The following STXBP5L variants were observed in gnomAD, a reference collection of about 807,000 sequenced individuals.
STXBP5L encodes syntaxin-binding protein 5-like.
In STXBP5L, 65 loss-of-function variants were observed where a neutral mutation model predicts 144.5. The ratio of observed to expected loss-of-function variants is 0.45; its 90% CI spans 0.37 to 0.55. The LOEUF (loss-of-function observed/expected upper bound fraction) is 0.55. Ranked by LOEUF, STXBP5L falls within the 20% of genes least tolerant of loss-of-function variation. The pLI is 0.00. For synonymous variants in STXBP5L, 505 were observed against 469.6 expected, an observed-to-expected ratio of 1.08 and a Z score of -0.97; for missense variants, 1,298 against 1,405.5, an observed-to-expected ratio of 0.92 and a Z score of 1.22.
chr3:121,165,094 CAT>C (rs1326402648), intron 9 of STXBP5L, among the ~76,000 whole-genome samples: 2 of 152,158 alleles, frequency 1.3e-5, no homozygotes, highest in East Asian at 3.8e-4. Flanking sequence ...ACTATAGTAA[CAT>C]GTTTACCATC....
chr3:121,050,468 C>T (rs1229239528), intron 5 of STXBP5L, among the ~76,000 whole-genome samples: 2 of 152,136 alleles, frequency 1.3e-5, no homozygotes, highest in African/African-American at 2.4e-5. Context: ...CCCAGAATTT[C>T]ATATCCAGCC....
chr3:121,132,591 G>A (rs1449971513), intron 7 of STXBP5L, among the ~76,000 whole-genome samples: 1 of 152,128 alleles, frequency 6.6e-6, no homozygotes. Flanking sequence ...AGTGCAGAAA[G>A]CAACATAGAG....
chr3:121,381,256 A>G (rs2046314977), intron 21 of STXBP5L, 37 bp from the exon 22 acceptor site: 1 of 1,500,938 alleles, frequency 6.7e-7, no homozygotes, highest in South Asian at 1.3e-5. Flanking sequence ...GAAATATACT[A>G]ACAATTTGTG....
chr3:121,391,014 G>A (rs1428560177), intron 22 of STXBP5L, among the ~76,000 whole-genome samples: 6 of 152,000 alleles, frequency 3.9e-5, no homozygotes, highest in South Asian at 4.2e-4. Context: ...TCACTTTCAG[G>A]TACACCAATC....
At chr3:121,214,791 A>G (rs7636777) in intron 10 of STXBP5L, among the ~76,000 whole-genome samples, 15,086 of 152,062 alleles carry the variant, frequency 0.099, 1,176 homozygotes, top group Admixed American at 0.2. Context: ...CCTGTCTAAT[A>G]TTGACAGTGG....
In STXBP5L at chr3:121,367,317, G is replaced by A. The variant is rs1199726752; in HGVS notation, c.2177-11399G>A. On this transcript the variant is annotated intron_variant, in intron 20 of 26. Coordinates refer to ENST00000471454, the MANE Select transcript of STXBP5L (RefSeq NM_001308330.2). ...TCCTTTGCACATTTCTTACAGGGCG[G>A]ATCTGGTGGTAACAATCTCCCTTAG... is the stretch of plus-strand genomic sequence containing the variant. 2.6e-5 allele frequency among the ~76,000 whole-genome samples: 4 copies of A among 152,154 alleles called. No individual in the cohort carries two copies. The South Asian group carries it at 6.2e-4, about 24-fold the overall frequency.
At chr3:121,003,289 C>T (rs1943951261) in intron 3 of STXBP5L, among the ~76,000 whole-genome samples, 2 of 150,948 alleles carry the variant, frequency 1.3e-5, no homozygotes, top group South Asian at 4.2e-4. Context: ...TTTTGATTTA[C>T]ATTTCTCTGA....
intron 16 of STXBP5L, among the ~76,000 whole-genome samples, chr3:121,255,842 C>A (rs2050191164): frequency 6.6e-6 from 1 of 152,006 alleles, no homozygotes; most frequent in Admixed American, 6.5e-5. Flanking sequence ...CTAAATGAAG[C>A]CACCTATAAA....
At chr3:120,984,632 CTTT>C (rs35656223) in intron 3 of STXBP5L, among the ~76,000 whole-genome samples, 122 of 71,960 alleles carry the variant, frequency 1.7e-3, no homozygotes, top group African/African-American at 6.9e-3. Flanking sequence ...TCTTTCTTTC[CTTT>C]TTTTTTTTTT....
intron 5 of STXBP5L, among the ~76,000 whole-genome samples, chr3:121,076,727 A>G (rs923828594): frequency 3.9e-5 from 6 of 152,170 alleles, no homozygotes; most frequent in Admixed American, 2.6e-4. Context: ...CTGTGGAGTT[A>G]GGTTAACATC....
intron 2 of STXBP5L, among the ~76,000 whole-genome samples, chr3:120,923,052 A>C (rs80198817): frequency 6.6e-6 from 1 of 151,722 alleles, no homozygotes. Context: ...GAGGTTTTCT[A>C]TCTCTTCTTG....
At chr3:121,225,449 T>G (rs1015402342) in intron 11 of STXBP5L, among the ~76,000 whole-genome samples, 2 of 152,042 alleles carry the variant, frequency 1.3e-5, no homozygotes, top group African/African-American at 4.8e-5. Flanking sequence ...TCACCCTTTT[T>G]GGGAGAAGGA....
chr3:121,141,403 C>CAA (rs11441021), intron 7 of STXBP5L, among the ~76,000 whole-genome samples: 105 of 146,598 alleles, frequency 7.2e-4, no homozygotes, highest in East Asian at 2.2e-3. Context: ...AACTCTGTCT[C>CAA]AAAAAAAAAA....
chr3:121,163,045 A>T (rs1395219173), intron 9 of STXBP5L, among the ~76,000 whole-genome samples: 1 of 152,198 alleles, frequency 6.6e-6, no homozygotes, highest in Non-Finnish European at 1.5e-5. Flanking sequence ...CAGAAATAGC[A>T]TTTGACCCAG....
chr3:121,389,722 A>C (rs7650439), intron 22 of STXBP5L, among the ~76,000 whole-genome samples: 7 of 152,100 alleles, frequency 4.6e-5, no homozygotes, highest in African/African-American at 1.7e-4. Context: ...TCCTGAGTTC[A>C]AATTTGAATT....
Position 121,166,388 on chromosome 3 carries a change from C to A in STXBP5L, c.877+8761C>A, listed in dbSNP as rs547266848. Reference sequence around the variant, plus strand: ...GGGTAATTTTTTTCAGATATAACTTCTTTCACTAATTTTCTCTTCAGCTAT... The same window carrying A: ...GGGTAATTTTTTTCAGATATAACTTATTTCACTAATTTTCTCTTCAGCTAT... On this transcript the variant is annotated intron_variant, in intron 9 of 26. Coordinates refer to ENST00000471454, the MANE Select transcript of STXBP5L (RefSeq NM_001308330.2). Among the ~76,000 whole-genome samples the A allele has an allele frequency of 1.2e-3, 189 of 152,204 alleles. 1 individual carries two copies. Among genetic ancestry groups the A allele is most frequent in the African/African-American group, 4.1e-3 (171 of 41,532 alleles).
intron 2 of STXBP5L, among the ~76,000 whole-genome samples, chr3:120,933,298 T>C (rs1187221330): frequency 2.0e-5 from 3 of 152,140 alleles, no homozygotes; most frequent in Non-Finnish European, 4.4e-5. Context: ...AATATTCTGA[T>C]TTTTTACCTA....
At chr3:121,286,202 G>T (rs1411657354) in intron 19 of STXBP5L, among the ~76,000 whole-genome samples, 1 of 151,846 alleles carries the variant, frequency 6.6e-6, no homozygotes, top group Non-Finnish European at 1.5e-5. Context: ...AAAGGGTAGG[G>T]GTATGATAAC....
chr3:121,275,148 C>T (rs1312857525), intron 18 of STXBP5L, among the ~76,000 whole-genome samples: 1 of 152,108 alleles, frequency 6.6e-6, no homozygotes, highest in African/African-American at 2.4e-5. Flanking sequence ...GATTCCTGTA[C>T]TTTTAATTAA....
Sources: allele counts gnomAD v4.1 joint callset (sites outside exome capture counted in the v4.1 genomes callset), GRCh38; gene constraint gnomAD v4.1.1; transcripts MANE v1.5; gene names NCBI Gene and HGNC (gene_info 2026-07-23, HGNC 2026-07-21).